The following CALN1 variants were observed in gnomAD, a reference collection of about 807,000 sequenced individuals.
CALN1 encodes the protein calcium-binding protein 8.
CALN1 carries 17 observed loss-of-function variants against 30.6 expected under a neutral mutation model. The observed-to-expected ratio is 0.56, with a 90% CI of 0.38 to 0.83. The LOEUF (loss-of-function observed/expected upper bound fraction) is 0.83, where lower values mean the gene tolerates loss of function less well. Ranked by LOEUF, CALN1 falls within the 40% of genes least tolerant of loss-of-function variation. CALN1 has a pLI of 0.00. For synonymous variants in CALN1, 156 were observed against 131.4 expected (o/e 1.19, Z -1.28); for missense variants, 291 against 354.9 (o/e 0.82, Z 1.45).
intron 3 of CALN1, among the ~76,000 whole-genome samples, chr7:72,224,738 G>C (rs568513124): frequency 6.6e-6 from 1 of 151,150 alleles, no homozygotes; most frequent in Non-Finnish European, 1.5e-5. Context: ...CCAAGATTGC[G>C]CCACTGCACT....
intron 5 of CALN1, among the ~76,000 whole-genome samples, chr7:72,023,257 T>C (rs1464956604): frequency 6.6e-6 from 1 of 152,152 alleles, no homozygotes; most frequent in South Asian, 2.1e-4. Flanking sequence ...TTCTCTCTCA[T>C]TAAGTGCAAG....
At chr7:72,478,041 T>C in the CALN1 span, among the ~76,000 whole-genome samples, 5 of 152,078 alleles carry the variant, frequency 3.3e-5, no homozygotes, top group African/African-American at 1.2e-4. Flanking sequence ...GCCTAGCACG[T>C]TGCTTGGATC....
chr7:71,955,085 C>T (rs1212823373), intron 5 of CALN1, among the ~76,000 whole-genome samples: 1 of 152,080 alleles, frequency 6.6e-6, no homozygotes, highest in South Asian at 2.1e-4. Context: ...ATTCACAGTC[C>T]CACATGGCTG....
At chr7:71,922,982 C>G (rs555205321) in intron 5 of CALN1, among the ~76,000 whole-genome samples, 31 of 148,296 alleles carry the variant, frequency 2.1e-4, no homozygotes, top group African/African-American at 7.6e-4. Context: ...CCATCTATCT[C>G]TATGTATCTA....
chr7:72,405,795 TTGG>T (rs1806655758), intron 1 of CALN1, among the ~76,000 whole-genome samples: 1 of 152,194 alleles, frequency 6.6e-6, no homozygotes, highest in Non-Finnish European at 1.5e-5. Context: ...GAAGTTGTGA[TTGG>T]TGGTAAATGC....
intron 2 of CALN1, among the ~76,000 whole-genome samples, chr7:72,401,694 A>G (rs1407179181): frequency 6.6e-6 from 1 of 152,150 alleles, no homozygotes; most frequent in Admixed American, 6.5e-5. Context: ...AAAATTCCAA[A>G]TTCCCAAAAT....
intron 3 of CALN1, among the ~76,000 whole-genome samples, chr7:72,175,143 G>A (rs1008202347): frequency 6.6e-6 from 1 of 151,124 alleles, no homozygotes; most frequent in African/African-American, 2.4e-5. Flanking sequence ...GCGCAATCTC[G>A]GCTCACTGCA....
chr7:72,015,950 A>T (rs7778170), intron 5 of CALN1, among the ~76,000 whole-genome samples: 2,130 of 152,186 alleles, frequency 0.014, 42 homozygotes, highest in African/African-American at 0.048. Flanking sequence ...CCATTAGATG[A>T]TTAAGAATGG....
At chr7:72,417,872 A>T (rs1234221316) in intron 1 of CALN1, among the ~76,000 whole-genome samples, 2 of 152,146 alleles carry the variant, frequency 1.3e-5, no homozygotes, top group Non-Finnish European at 2.9e-5. Flanking sequence ...GCAGGGAATC[A>T]CTGGGTCTCT....
At chr7:72,314,600 A>C (rs1415448039) in intron 2 of CALN1, among the ~76,000 whole-genome samples, 1 of 151,324 alleles carries the variant, frequency 6.6e-6, no homozygotes, top group Admixed American at 6.6e-5. Context: ...TTTTTGTATT[A>C]GTAGAGACAG....
At chr7:71,934,083 T>C (rs1795701445) in intron 5 of CALN1, among the ~76,000 whole-genome samples, 1 of 152,228 alleles carries the variant, frequency 6.6e-6, no homozygotes, top group East Asian at 1.9e-4. Flanking sequence ...AAAATGCTGA[T>C]ATCAAATTTT....
At chr7:72,087,030 A>T (rs1805528201) in intron 4 of CALN1, among the ~76,000 whole-genome samples, 1 of 152,238 alleles carries the variant, frequency 6.6e-6, no homozygotes, top group South Asian at 2.1e-4. Flanking sequence ...AGGGTAAACT[A>T]CAAGTAAGAT....
chr7:72,416,496 G>A (rs534456409), upstream of CALN1, among the ~76,000 whole-genome samples: 1 of 152,192 alleles, frequency 6.6e-6, no homozygotes, highest in Non-Finnish European at 1.5e-5. Flanking sequence ...CGCTTTGCGA[G>A]GCTGAGACAG....
At position 72,412,329 on chromosome 7, in the gene CALN1, A is replaced by C. The variant is rs1245198930; in HGVS notation, c.-345T>G. On this transcript the variant is annotated 5_prime_UTR_variant, in exon 1 of 7. Transcript: ENST00000395275. ...CACAAACTCAAGCGGATAGCACCCC[A>C]GCGAGCTTCCCCAGCGGGCTCGGGG... 1 of 151,988 alleles carries C rather than the reference A, an allele frequency of 6.6e-6. No homozygotes were observed. Among genetic ancestry groups the C allele is most frequent in the Non-Finnish European group, 1.5e-5 (1 of 68,076 alleles). The allele number at this position is 151,988 out of a possible 1,614,324, so 9.4% of individuals were successfully genotyped here.
In CALN1 at chr7:72,224,184, A is replaced by G. The variant is rs1282397594; in HGVS notation, c.244+54502T>C. On this transcript the variant is annotated intron_variant, in intron 3 of 6. Coordinates refer to ENST00000395275, the MANE Select transcript of CALN1 (RefSeq NM_031468.4). Reference sequence around the variant, plus strand: ...TGTACCCCCTTGAATCTAAAATAAAAGTTGAAATTATTTTTTAAATTAAAA... The same window carrying G: ...TGTACCCCCTTGAATCTAAAATAAAGGTTGAAATTATTTTTTAAATTAAAA... Among the ~76,000 whole-genome samples the G allele has an allele frequency of 2.0e-5, 3 of 152,324 alleles. No individual in the cohort carries two copies. The East Asian group carries it at 5.8e-4, about 29-fold the overall frequency.
intron 3 of CALN1, among the ~76,000 whole-genome samples, chr7:72,244,854 T>A (rs1795059400): frequency 6.6e-6 from 1 of 152,140 alleles, no homozygotes; most frequent in African/African-American, 2.4e-5. Context: ...GTGCTCAACT[T>A]CAGAGAGAGA....
At chr7:71,914,758 G>A (rs540786025) in intron 5 of CALN1, among the ~76,000 whole-genome samples, 5 of 152,046 alleles carry the variant, frequency 3.3e-5, no homozygotes, top group South Asian at 4.2e-4. Flanking sequence ...GTGAGATGGT[G>A]TCTCATTGTA....
chr7:72,135,775 G>A (rs534577101), intron 3 of CALN1, among the ~76,000 whole-genome samples: 1 of 152,248 alleles, frequency 6.6e-6, no homozygotes, highest in South Asian at 2.1e-4. Context: ...TTGAAGTTTT[G>A]AAGCCAGGCA....
chr7:72,325,279 T>C lies in CALN1; in HGVS notation c.120-46469A>G, dbSNP rs547317944. ...TGACTCTGCACTCTAGTCTGGGTGATAGAGATTCTGTCTCTGAATAAATAA... is the reference window on the plus strand; with the variant it reads ...TGACTCTGCACTCTAGTCTGGGTGACAGAGATTCTGTCTCTGAATAAATAA... On this transcript the variant is annotated intron_variant, in intron 2 of 6. Transcript: ENST00000395275. Among the ~76,000 whole-genome samples, 21 of 152,280 alleles carry C rather than the reference T, an allele frequency of 1.4e-4. No individual in the cohort carries two copies. The South Asian group carries it at 2.3e-3, about 17-fold the overall frequency.
Sources: allele counts gnomAD v4.1 joint callset (sites outside exome capture counted in the v4.1 genomes callset), GRCh38; gene constraint gnomAD v4.1.1; transcripts MANE v1.5; gene names NCBI Gene and HGNC (gene_info 2026-07-23, HGNC 2026-07-21).